RSRC2: variants seen among roughly 807,000 people sequenced by gnomAD.
RSRC2 encodes arginine and serine rich coiled-coil 2.
A neutral mutation model predicts 61.3 loss-of-function variants in RSRC2; 5 were observed. That is an observed-to-expected ratio of 0.08 (90% CI 0.04 to 0.17). The LOEUF (loss-of-function observed/expected upper bound fraction) is 0.17. RSRC2 is among the 10% of genes least tolerant of loss of function. The pLI is 1.00. For missense variants in RSRC2, 381 were observed against 518.8 expected (o/e 0.73, Z 2.58); for synonymous variants, 202 against 166.5 (o/e 1.21, Z -1.64).
intron 6 of RSRC2, among the ~76,000 whole-genome samples, chr12:122,513,478 A>T (rs900375116): frequency 1.3e-5 from 2 of 152,102 alleles, no homozygotes; most frequent in African/African-American, 4.8e-5. Flanking sequence ...AGTAATCTAT[A>T]TATCAATGAC....
At chr12:122,514,800 G>C (rs1441418776) in intron 6 of RSRC2, 2 of 861,746 alleles carry the variant, frequency 2.3e-6, no homozygotes, top group African/African-American at 4.7e-5. Flanking sequence ...TCTTGAACCA[G>C]ATTTAAGACT....
intron 7 of RSRC2, 110 bp from the exon 8 acceptor site, chr12:122,508,557 G>T: frequency 1.2e-6 from 1 of 815,342 alleles, no homozygotes; most frequent in Non-Finnish European, 1.9e-6. Flanking sequence ...AAAAAGGCAG[G>T]ATTTTCACCA....
chr12:122,513,807 T>C (rs1165256645), intron 6 of RSRC2: 2 of 985,198 alleles, frequency 2.0e-6, no homozygotes, highest in African/African-American at 3.5e-5. Flanking sequence ...TCAGGCTGGG[T>C]TCCCAGGGAA....
intron 1 of RSRC2, among the ~76,000 whole-genome samples, chr12:122,525,594 A>G (rs906538919): frequency 5.9e-5 from 9 of 152,202 alleles, no homozygotes; most frequent in Non-Finnish European, 1.2e-4. Context: ...CACTATGTTT[A>G]AGAGTCATAA....
At chr12:122,524,771 A>T (rs1373063647) in intron 1 of RSRC2, among the ~76,000 whole-genome samples, 1 of 152,202 alleles carries the variant, frequency 6.6e-6, no homozygotes, top group African/African-American at 2.4e-5. Context: ...AAAAAAACCT[A>T]CCAAAAACTG....
In RSRC2 at chr12:122,521,365, C is replaced by T. The variant is rs1289505218; in HGVS notation, c.207+20G>A. 1.9e-6 allele frequency: 3 copies of T among 1,586,378 alleles called. No homozygotes were observed. The highest frequency in any genetic ancestry group is 1.1e-5 in the South Asian group (1 of 90,474). ...TTATAAGTATTTTAAAGTACCTATT[C>T]ACTACAAAGTGTTAATTACCTCTTT... On this transcript the variant is annotated intron_variant, in intron 3 of 9. Transcript: ENST00000331738.
rs543608592 is a variant in RSRC2 at position 122,518,721 on chromosome 12, C to T, written c.398+118G>A. 110 of 843,718 alleles carry T rather than the reference C, an allele frequency of 1.3e-4. 2 individuals are homozygous for T. The South Asian group carries it at 1.5e-3, about 12-fold the overall frequency. 52.3% of individuals were successfully genotyped at this position (843,718 alleles called of 1,614,324 possible). A position where few individuals can be genotyped will look rare whatever the true frequency, so the allele number is the denominator to read the frequency against. ...GGCAAAAAACAAACAAAACCACAAA[C>T]CCAAACAAACGAACAAGAAAAACTC... On this transcript the variant is annotated intron_variant, in intron 4 of 9. Coordinates refer to ENST00000331738, the MANE Select transcript of RSRC2 (RefSeq NM_023012.6).
At position 122,526,891 on chromosome 12, in the gene RSRC2, T is replaced by C. The variant is rs770049303; in HGVS notation, c.-38A>G. 3.1e-6 allele frequency: 5 copies of C among 1,613,666 alleles called. No individual in the cohort carries two copies. Among genetic ancestry groups the C allele is most frequent in the East Asian group, 2.2e-5 (1 of 44,892 alleles). On this transcript the variant is annotated 5_prime_UTR_variant, in exon 1 of 10. Coordinates refer to ENST00000331738, the MANE Select transcript of RSRC2 (RefSeq NM_023012.6). ...CGGCCGCTAGAGCGGCGCCTCCACT[T>C]GTCGCTTTCAACAGTACCGGCCGCT...
At chr12:122,518,698 C>CA (rs1442284077) in intron 4 of RSRC2, 141 bp downstream of exon 4, 3 of 732,672 alleles carry the variant, frequency 4.1e-6, no homozygotes, top group Admixed American at 2.4e-5. Flanking sequence ...AGCCCAAAGG[C>CA]AAAAAACAAA....
rs1167923671 is a variant in RSRC2, at chr12:122,518,973, A to G, written c.264T>C (p.His88=). ...KSSKKHKSEE[H]NDKEHSSDKG... Reference sequence around the variant, plus strand: ...TATCAGAAGAATGTTCTTTGTCATTATGTTCCTCAGACTTATGTTTCTTAG... The same window carrying G: ...TATCAGAAGAATGTTCTTTGTCATTGTGTTCCTCAGACTTATGTTTCTTAG... Residue 88 remains histidine, a synonymous_variant, in exon 4 of 10, where the codon CAT becomes CAC. Coordinates refer to ENST00000331738, the MANE Select transcript of RSRC2 (RefSeq NM_023012.6). The G allele has an allele frequency of 6.2e-7, 1 of 1,613,566 alleles. No individual in the cohort carries two copies. The highest frequency in any genetic ancestry group is 1.7e-5 in the Admixed American group (1 of 60,016).
intron 4 of RSRC2, among the ~76,000 whole-genome samples, chr12:122,518,113 A>G (rs1283080118): frequency 2.0e-5 from 3 of 152,032 alleles, no homozygotes; most frequent in African/African-American, 2.4e-5. Flanking sequence ...CCTGCACAAC[A>G]TGGCCAAAAC....
chr12:122,517,887 G>A (rs1959055409), intron 4 of RSRC2, among the ~76,000 whole-genome samples: 1 of 152,064 alleles, frequency 6.6e-6, no homozygotes, highest in African/African-American at 2.4e-5. Flanking sequence ...AAAAAATCTA[G>A]ATTGCAGTTT....
At chr12:122,508,160 T>C (rs761278470) in intron 8 of RSRC2, 58 bp downstream of exon 8, 4 of 1,501,168 alleles carry the variant, frequency 2.7e-6, no homozygotes, top group Non-Finnish European at 2.8e-6. Context: ...CAAATTTGTT[T>C]TTCTAAGCAA....
chr12:122,520,635 T>C, intron 3 of RSRC2: 2 of 1,234,564 alleles, frequency 1.6e-6, no homozygotes, highest in Admixed American at 2.0e-5. Flanking sequence ...AAAATAGTCA[T>C]TTTCACAAAA....
At chr12:122,514,621 T>G in intron 6 of RSRC2, 1 of 1,022,050 alleles carries the variant, frequency 9.8e-7, no homozygotes, top group Non-Finnish European at 1.2e-6. Context: ...TTACCAGGAA[T>G]AAAACTTACA....
chr12:122,507,063 TAAG>T (rs756235816), intron 8 of RSRC2, 140 bp from the exon 9 acceptor site: 1 of 671,324 alleles, frequency 1.5e-6, no homozygotes, highest in Non-Finnish European at 2.6e-6. Context: ...TTTCAAGACT[TAAG>T]AAACCACAAA....
intron 5 of RSRC2, among the ~76,000 whole-genome samples, chr12:122,516,656 GATA>G: frequency 6.6e-6 from 1 of 152,290 alleles, no homozygotes; most frequent in South Asian, 2.1e-4. Context: ...AGTTATTTGT[GATA>G]ATAAAATTAA....
intron 1 of RSRC2, 63 bp from the exon 2 acceptor site, chr12:122,522,362 A>C (rs1959342449): frequency 6.9e-7 from 1 of 1,439,270 alleles, no homozygotes; most frequent in African/African-American, 1.4e-5. Context: ...TCAATTTCTT[A>C]AAAGAGGGAC....
At chr12:122,525,725 G>C (rs916834031) in intron 1 of RSRC2, among the ~76,000 whole-genome samples, 5 of 151,404 alleles carry the variant, frequency 3.3e-5, no homozygotes, top group Non-Finnish European at 5.9e-5. Context: ...TCAGAATTGG[G>C]TATCTTATAC....
Sources: gnomAD v4.1 joint callset for allele counts (sites outside exome capture counted in the v4.1 genomes callset) on GRCh38, gnomAD v4.1.1 for gene constraint, MANE v1.5 for transcripts, NCBI Gene and HGNC (gene_info 2026-07-23, HGNC 2026-07-21) for gene names.